The following ANXA3 variants were observed in gnomAD, a reference collection of about 807,000 sequenced individuals.
ANXA3 encodes annexin A3, also known as 35-alpha calcimedin.
A neutral mutation model predicts 48.8 loss-of-function variants in ANXA3; 46 were observed. The ratio of observed to expected loss-of-function variants is 0.94; its 90% CI spans 0.74 to 1.21. The LOEUF is 1.21. Ranked by LOEUF, ANXA3 falls within the 50% of genes most tolerant of loss-of-function variation. The pLI is 0.00. For synonymous variants in ANXA3, 128 were observed against 134.7 expected (o/e 0.95, Z 0.35); for missense variants, 383 against 378.6 (o/e 1.01, Z -0.10).
chr4:78,597,249 A>G, intron 9 of ANXA3, 70 bp from the exon 10 acceptor site: 1 of 1,023,102 alleles, frequency 9.8e-7, no homozygotes, highest in Non-Finnish European at 1.5e-6. Flanking sequence ...CATATCAAAT[A>G]AAAAACTAGA....
At chr4:78,580,423 G>A (rs1723048215) in intron 4 of ANXA3, among the ~76,000 whole-genome samples, 2 of 152,228 alleles carry the variant, frequency 1.3e-5, no homozygotes. Context: ...AAGAGATGAG[G>A]CTGGAGACAG....
intron 12 of ANXA3, among the ~76,000 whole-genome samples, chr4:78,608,968 G>A (rs921123176): frequency 6.6e-6 from 1 of 152,132 alleles, no homozygotes; most frequent in African/African-American, 2.4e-5. Context: ...ATACAAAGCT[G>A]GAGCATTGTT....
intron 7 of ANXA3, among the ~76,000 whole-genome samples, chr4:78,594,351 T>C (rs1723369444): frequency 1.3e-5 from 2 of 152,360 alleles, no homozygotes; most frequent in Non-Finnish European, 2.9e-5. Context: ...TAAACATTCA[T>C]GTGCAGATTT....
chr4:78,558,975 C>T (rs2109924537), intron 2 of ANXA3, among the ~76,000 whole-genome samples: 1 of 152,334 alleles, frequency 6.6e-6, no homozygotes, highest in African/African-American at 2.4e-5. Flanking sequence ...CTCTTTCCTC[C>T]TTGATCAATT....
At position 78,584,064 on chromosome 4, in the gene ANXA3, G is replaced by A. The variant is rs142497645; in HGVS notation, c.312+1774G>A. Among the ~76,000 whole-genome samples the A allele has an allele frequency of 5.3e-5, 8 of 152,196 alleles. No individual in the cohort carries two copies. The East Asian group carries it at 1.4e-3, about 26-fold the overall frequency. ...AACATCATAAGCTTATTCTTGTTTT[G>A]AGATCTTTATACATGATGTTTCTTC... On this transcript the variant is annotated intron_variant, in intron 5 of 12. Transcript: ENST00000264908.
chr4:78,575,979 C>T (rs76658502), intron 3 of ANXA3, among the ~76,000 whole-genome samples: 9 of 152,166 alleles, frequency 5.9e-5, no homozygotes, highest in African/African-American at 2.2e-4. Flanking sequence ...AGAGCTCTTC[C>T]TTTTCACACT....
At chr4:78,557,256 T>C (rs1009383512) in intron 2 of ANXA3, among the ~76,000 whole-genome samples, 1 of 152,182 alleles carries the variant, frequency 6.6e-6, no homozygotes, top group Non-Finnish European at 1.5e-5. Flanking sequence ...ATCTTACTTA[T>C]GCTTGGAATC....
At chr4:78,554,510 A>G (rs1397852108) in intron 2 of ANXA3, 22 bp downstream of exon 2, 1 of 1,610,948 alleles carries the variant, frequency 6.2e-7, no homozygotes, top group Non-Finnish European at 8.5e-7. Flanking sequence ...TTAAGCCTTC[A>G]CAACACAGTA....
At chr4:78,555,637 G>A (rs978491537) in intron 2 of ANXA3, among the ~76,000 whole-genome samples, 28 of 151,142 alleles carry the variant, frequency 1.9e-4, no homozygotes, top group Non-Finnish European at 1.9e-4. Context: ...CCAGAAGTTC[G>A]AGACCAGCAT....
intron 4 of ANXA3, among the ~76,000 whole-genome samples, chr4:78,581,103 C>T (rs1226805154): frequency 1.3e-5 from 2 of 152,108 alleles, no homozygotes; most frequent in African/African-American, 4.8e-5. Context: ...AACACTGTGG[C>T]AATTAAAGCA....
At chr4:78,575,166 C>T (rs1722921416) in intron 3 of ANXA3, among the ~76,000 whole-genome samples, 1 of 152,020 alleles carries the variant, frequency 6.6e-6, no homozygotes, top group Non-Finnish European at 1.5e-5. Flanking sequence ...TTTCATATGT[C>T]AATAAAATAT....
At chr4:78,605,368 T>C (rs1723625361) in intron 12 of ANXA3, among the ~76,000 whole-genome samples, 1 of 152,230 alleles carries the variant, frequency 6.6e-6, no homozygotes. Flanking sequence ...TAAGTAAGGC[T>C]GAATATATTT....
intron 10 of ANXA3, among the ~76,000 whole-genome samples, chr4:78,600,785 T>G (rs1723518741): frequency 6.6e-6 from 1 of 152,224 alleles, no homozygotes; most frequent in Non-Finnish European, 1.5e-5. Context: ...ATAATTGTGT[T>G]GCTGTAAATA....
intron 6 of ANXA3, among the ~76,000 whole-genome samples, chr4:78,587,635 A>G (rs1164192588): frequency 2.6e-5 from 4 of 152,168 alleles, no homozygotes; most frequent in African/African-American, 4.8e-5. Context: ...AGGAGTACAT[A>G]TTGGTCCTCA....
At chr4:78,558,686 T>C (rs1002990679) in intron 2 of ANXA3, among the ~76,000 whole-genome samples, 4 of 152,244 alleles carry the variant, frequency 2.6e-5, no homozygotes, top group African/African-American at 9.6e-5. Flanking sequence ...CAATCTATGT[T>C]GCATTAGTAT....
In ANXA3 at chr4:78,591,737, GA is replaced by G. The variant is rs1723301457; in HGVS notation, c.483+117del. On this transcript the variant is annotated intron_variant, in intron 7 of 12. Transcript: ENST00000264908. The stretch of plus-strand genomic sequence containing the variant: ...ACAATGAGTTCACAATTTTCCTTAT[GA>G]AATGGTTTGTTCATTTTACATTTTC... 3.2e-5 allele frequency: 23 copies of G among 726,722 alleles called. No individual in the cohort carries two copies. In the South Asian group the frequency reaches 4.1e-4, roughly 13 times the overall value. The allele number at this position is 726,722 out of a possible 1,614,324, so 45.0% of individuals were successfully genotyped here.
chr4:78,587,526 C>A (rs939978017), intron 6 of ANXA3, among the ~76,000 whole-genome samples: 4 of 152,182 alleles, frequency 2.6e-5, no homozygotes, highest in Non-Finnish European at 5.9e-5. Context: ...CCCCATAGAA[C>A]CCTCTCCAAG....
At chr4:78,601,464 C>G (rs763595843) in intron 10 of ANXA3, 46 bp from the exon 11 acceptor site, 14 of 1,572,324 alleles carry the variant, frequency 8.9e-6, no homozygotes, top group Non-Finnish European at 8.8e-7. Context: ...TAGATTAACC[C>G]AATTTCTATT....
At chr4:78,600,998 C>A (rs972066603) in intron 10 of ANXA3, among the ~76,000 whole-genome samples, 2 of 151,964 alleles carry the variant, frequency 1.3e-5, no homozygotes, top group African/African-American at 4.8e-5. Context: ...GTCACTCTAA[C>A]CAGCCTATAA....
Sources: gnomAD v4.1 joint callset for allele counts (sites outside exome capture counted in the v4.1 genomes callset) on GRCh38, gnomAD v4.1.1 for gene constraint, MANE v1.5 for transcripts, NCBI Gene and HGNC (gene_info 2026-07-23, HGNC 2026-07-21) for gene names.